MTHFSD: variants seen among roughly 807,000 people sequenced by gnomAD.
MTHFSD encodes methenyltetrahydrofolate synthetase domain containing.
A neutral mutation model predicts 31.1 loss-of-function variants in MTHFSD; 37 were observed. The observed-to-expected ratio is 1.19, with a 90% CI of 0.91 to 1.56. The LOEUF is 1.56. MTHFSD is among the 40% of genes most tolerant of loss of function. MTHFSD has a pLI of 0.00. For synonymous variants in MTHFSD, 221 were observed against 206.9 expected (o/e 1.07, Z -0.59); for missense variants, 664 against 510.1 (o/e 1.30, Z -2.91).
chr16:86,554,056 G>A (rs1374622990), intron 2 of MTHFSD, among the ~76,000 whole-genome samples: 1 of 152,228 alleles, frequency 6.6e-6, no homozygotes, highest in Non-Finnish European at 1.5e-5. Flanking sequence ...TCAGCAGGAT[G>A]TGGGTGGGGC....
At chr16:86,541,621 C>T in intron 7 of MTHFSD, 76 bp downstream of exon 7, 1 of 1,553,018 alleles carries the variant, frequency 6.4e-7, no homozygotes, top group East Asian at 2.4e-5. Flanking sequence ...CAACAGCTCC[C>T]ATGCCAGACA....
rs1457970681 is a variant in MTHFSD at position 86,554,645 on chromosome 16, C to G, written c.123G>C (p.Lys41Asn). ...RPVHHRIPNF[K>N]GSYLACQNIK... is the part of the protein sequence containing the mutation. ...CTGGACTCCAGAAATATGTCAGTAC[C>G]TTAAAGTTGGGTATCCTGTGATGAA... The change falls in exon 2 of 8, where the codon AAG becomes AAC. Residue 41 changes from lysine to asparagine, a missense_variant and splice_region_variant. Lys to Asn is a moderately conservative substitution (Grantham distance 94, BLOSUM62 0). Coordinates refer to ENST00000360900, the MANE Select transcript of MTHFSD (RefSeq NM_001159377.2). 6.8e-6 allele frequency: 11 copies of G among 1,611,456 alleles called. No individual in the cohort carries two copies. In the South Asian group the frequency reaches 1.1e-4, roughly 16 times the overall value.
At chr16:86,536,142 G>C (rs561378165) in intron 7 of MTHFSD, among the ~76,000 whole-genome samples, 1 of 152,200 alleles carries the variant, frequency 6.6e-6, no homozygotes, top group Non-Finnish European at 1.5e-5. Context: ...GGCGTGAGCC[G>C]TGCTGGTGAA....
chr16:86,546,308 G>C (rs960393817), intron 5 of MTHFSD, among the ~76,000 whole-genome samples: 1 of 152,232 alleles, frequency 6.6e-6, no homozygotes, highest in Non-Finnish European at 1.5e-5. Flanking sequence ...TTCACCACCT[G>C]AACAGAGAGT....
chr16:86,546,780 G>A (rs755589173), intron 4 of MTHFSD, 131 bp from the exon 5 acceptor site: 1 of 725,726 alleles, frequency 1.4e-6, no homozygotes, highest in Non-Finnish European at 2.3e-6. Context: ...CGCAACACCG[G>A]AGATGTGGCG....
At chr16:86,553,098 C>T (rs1436281089) in intron 2 of MTHFSD, among the ~76,000 whole-genome samples, 1 of 152,188 alleles carries the variant, frequency 6.6e-6, no homozygotes, top group African/African-American at 2.4e-5. Flanking sequence ...GCATTCATTT[C>T]TTTCCAAAGG....
intron 5 of MTHFSD, among the ~76,000 whole-genome samples, chr16:86,544,713 C>A (rs1433371230): frequency 6.6e-6 from 1 of 152,142 alleles, no homozygotes; most frequent in African/African-American, 2.4e-5. Context: ...TGGGTATATA[C>A]CCAAAGGATT....
intron 7 of MTHFSD, chr16:86,541,055 C>T: frequency 8.1e-7 from 1 of 1,227,304 alleles, no homozygotes; most frequent in Non-Finnish European, 1.0e-6. Context: ...CTTATTTGAC[C>T]AGTAGTTTTG....
chr16:86,547,939 A>G lies in MTHFSD; in HGVS notation c.351+525T>C, dbSNP rs367766699. On this transcript the variant is annotated intron_variant, in intron 4 of 7. Transcript: ENST00000360900. ...TGTAAAATACATGACCAATTTTATTATAATGCACCCTAAAGTCATATTTGT... is the reference window on the plus strand; with the variant it reads ...TGTAAAATACATGACCAATTTTATTGTAATGCACCCTAAAGTCATATTTGT... The G allele has an allele frequency of 1.5e-5, 13 of 856,214 alleles. No homozygotes were observed. The East Asian group carries it at 4.4e-4, about 29-fold the overall frequency. 53.0% of individuals were successfully genotyped at this position (856,214 alleles called of 1,614,324 possible). A position where few individuals can be genotyped will look rare whatever the true frequency, so the allele number is the denominator to read the frequency against.
intron 3 of MTHFSD, among the ~76,000 whole-genome samples, chr16:86,550,463 A>G (rs1489150289): frequency 6.6e-6 from 1 of 152,172 alleles, no homozygotes; most frequent in African/African-American, 2.4e-5. Flanking sequence ...GACAGCTGAG[A>G]ACACCCTGAA....
At chr16:86,535,795 C>T (rs1337426157) in intron 7 of MTHFSD, among the ~76,000 whole-genome samples, 1 of 152,152 alleles carries the variant, frequency 6.6e-6, no homozygotes, top group Non-Finnish European at 1.5e-5. Context: ...TTCTTTCTCA[C>T]TCTTGCATTA....
At chr16:86,539,054 G>A (rs1971112662) in intron 7 of MTHFSD, among the ~76,000 whole-genome samples, 1 of 152,208 alleles carries the variant, frequency 6.6e-6, no homozygotes. Context: ...AGTTTCTGAT[G>A]AGGGTGCAGA....
At chr16:86,537,349 C>T (rs1055604331) in intron 7 of MTHFSD, among the ~76,000 whole-genome samples, 1 of 152,108 alleles carries the variant, frequency 6.6e-6, no homozygotes, top group African/African-American at 2.4e-5. Flanking sequence ...CTTTATACCA[C>T]ATGCACTTTC....
At position 86,550,768 on chromosome 16, in the gene MTHFSD, C is replaced by G. The variant is rs575375737; in HGVS notation, c.237+1265G>C. On this transcript the variant is annotated intron_variant, in intron 3 of 7. Coordinates refer to ENST00000360900, the MANE Select transcript of MTHFSD (RefSeq NM_001159377.2). ...TGATTCATTAACTGGGAAAATAAGG[C>G]TGACAGGAAGCTATGCTTCTGGAAG... Among the ~76,000 whole-genome samples the G allele has an allele frequency of 1.2e-3, 176 of 152,350 alleles. 2 individuals carry two copies. In the Middle Eastern group the frequency reaches 0.014, roughly 12 times the overall value.
chr16:86,543,059 C>T (rs749025775), intron 5 of MTHFSD, among the ~76,000 whole-genome samples: 5 of 152,202 alleles, frequency 3.3e-5, no homozygotes, highest in Non-Finnish European at 5.9e-5. Flanking sequence ...TTCAACTGTG[C>T]ATGCAGAGAA....
At chr16:86,538,786 C>T (rs1327301916) in intron 7 of MTHFSD, among the ~76,000 whole-genome samples, 1 of 152,160 alleles carries the variant, frequency 6.6e-6, no homozygotes. Context: ...GGCAGAGATC[C>T]TTGGTGTAGC....
chr16:86,548,624 A>G (rs1972677058), intron 3 of MTHFSD, 47 bp from the exon 4 acceptor site: 3 of 1,449,116 alleles, frequency 2.1e-6, no homozygotes, highest in Non-Finnish European at 1.9e-6. Context: ...AAATTATTCC[A>G]TAGGACTTTC....
At chr16:86,533,091 C>G (rs368782088) in intron 7 of MTHFSD, 1 of 152,238 alleles carries the variant, frequency 6.6e-6, no homozygotes, top group African/African-American at 2.4e-5. Flanking sequence ...CACTTCCTAG[C>G]GATGGGTCAT....
rs148110192 is a variant in MTHFSD at position 86,532,419 on chromosome 16, C to G, written c.744G>C (p.Gln248His). 2 of 1,493,098 alleles carry G rather than the reference C, an allele frequency of 1.3e-6. No homozygotes were observed. The highest frequency in any genetic ancestry group is 2.5e-5 in the East Asian group (1 of 40,226). The allele number at this position is 1,493,098 out of a possible 1,614,324, so 92.5% of individuals were successfully genotyped here. A position where few individuals can be genotyped will look rare whatever the true frequency, so the allele number is the denominator to read the frequency against. ...CCTGGAGGGTGACATCCTTCCCAGC[C>G]TGCTGCTCTCGGGCGCGGAGGCTCC... The part of the protein sequence containing the change: ...ILRSLRAREQ[Q>H]AGKDVTLQGE... Residue 248 changes from glutamine (Q) to histidine (H), a missense_variant, in exon 8 of 8, where the codon CAG becomes CAC. Coordinates refer to ENST00000360900, the MANE Select transcript of MTHFSD (RefSeq NM_001159377.2).
Sources: allele counts gnomAD v4.1 joint callset (sites outside exome capture counted in the v4.1 genomes callset), GRCh38; gene constraint gnomAD v4.1.1; transcripts MANE v1.5; gene names NCBI Gene and HGNC (gene_info 2026-07-23, HGNC 2026-07-21).